BRD8: variants seen among roughly 807,000 people sequenced by gnomAD.
The protein encoded by BRD8 is bromodomain-containing protein 8.
BRD8 carries 67 observed loss-of-function variants against 143.1 expected under a neutral mutation model. The observed-to-expected ratio is 0.47, with a 90% CI of 0.38 to 0.57. The LOEUF (loss-of-function observed/expected upper bound fraction) is 0.57, where lower values mean the gene tolerates loss of function less well. Among genes scored for constraint, BRD8 ranks in the 20% least tolerant of loss-of-function variants. The probability of loss-of-function intolerance (pLI) is 0.00; values close to 1 mark genes in which losing one functional copy is unlikely to be tolerated. For missense variants in BRD8, 1,103 were observed against 1,503.0 expected, an observed-to-expected ratio of 0.73 and a Z score of 4.40; for synonymous variants, 505 against 517.1, an observed-to-expected ratio of 0.98 and a Z score of 0.32.
intron 15 of BRD8, among the ~76,000 whole-genome samples, chr5:138,162,658 T>C (rs544623793): frequency 5.9e-5 from 9 of 151,824 alleles, no homozygotes; most frequent in Non-Finnish European, 8.8e-5. Flanking sequence ...CTGGACCACA[T>C]AGATCCTGTC....
At position 138,166,652 on chromosome 5, in the gene BRD8, A is replaced by G. The variant is rs147125568; in HGVS notation, c.863T>C (p.Val288Ala). The change falls in exon 10 of 27, where the codon GTT becomes GCT. Residue 288 changes from valine to alanine, a missense_variant. Physicochemically the swap from Val to Ala is moderately conservative, Grantham distance 64 (BLOSUM62 0). This residue lies in a region of BRD8 where 334 missense variants were observed against 372.5 expected (regional missense o/e 0.90). Coordinates refer to ENST00000254900, the MANE Select transcript of BRD8 (RefSeq NM_139199.2). ...AAGTTTAACTGGAGGCTCACTGGCA[A>G]CAGTAGTGAAGGAAGCAAGAGGTGT... ...FTTPLASFTT[V>A]ASEPPVKLVP... 6.2e-7 allele frequency: 1 copy of G among 1,613,962 alleles called. No individual in the cohort carries two copies. The highest frequency in any genetic ancestry group is 8.5e-7 in the Non-Finnish European group (1 of 1,179,818).
intron 25 of BRD8, among the ~76,000 whole-genome samples, chr5:138,143,533 G>A (rs1468681071): frequency 2.6e-5 from 4 of 152,174 alleles, no homozygotes; most frequent in Non-Finnish European, 1.5e-5. Flanking sequence ...AGGTGAAGCT[G>A]GCTGGGCTTC....
At chr5:138,144,731 G>A (rs765319952) in intron 25 of BRD8, among the ~76,000 whole-genome samples, 11 of 151,744 alleles carry the variant, frequency 7.2e-5, no homozygotes, top group Non-Finnish European at 1.5e-4. Flanking sequence ...GCAAAGCTCC[G>A]TTTCTACAAA....
chr5:138,142,709 G>C (rs1332939831), intron 25 of BRD8, among the ~76,000 whole-genome samples: 1 of 145,692 alleles, frequency 6.9e-6, no homozygotes, highest in Non-Finnish European at 1.5e-5. Context: ...GTTGCAGTGA[G>C]CCGAGATCTC....
chr5:138,150,197 A>G (rs1003492557), intron 22 of BRD8, among the ~76,000 whole-genome samples: 1 of 148,214 alleles, frequency 6.7e-6, no homozygotes, highest in Non-Finnish European at 1.5e-5. Context: ...GGCTCACTGC[A>G]GCCTTGCACT....
intron 8 of BRD8, chr5:138,168,679 C>CG: frequency 1.3e-6 from 2 of 1,572,236 alleles, no homozygotes; most frequent in Non-Finnish European, 1.7e-6. Context: ...GGCAAAGTCC[C>CG]GGGGGTTACC....
chr5:138,164,906 T>G lies in BRD8; in HGVS notation c.1539A>C (p.Ala513=), dbSNP rs201119089. 1.2e-6 allele frequency: 2 copies of G among 1,614,242 alleles called. No homozygotes were observed. Among genetic ancestry groups the G allele is most frequent in the South Asian group, 2.2e-5 (2 of 91,080 alleles). The change falls in exon 12 of 27, where the codon GCA becomes GCC. Residue 513 remains alanine (A), a synonymous_variant. Coordinates refer to ENST00000254900, the MANE Select transcript of BRD8 (RefSeq NM_139199.2). ...EPSAEIKVEP[A]EPEPVISGAE... ...CTCCTGAAATGACTGGCTCTGGTTC[T>G]GCAGGTTCCACCTTGATCTCTGCAC...
intron 2 of BRD8, chr5:138,172,607 A>G (rs1753963439): frequency 3.2e-6 from 1 of 310,546 alleles, no homozygotes. Flanking sequence ...TGGGAGGCAG[A>G]GGTGGGAGGA....
rs970458283 is a variant in BRD8 at position 138,157,006 on chromosome 5, C to T, written c.2577+2549G>A. The T allele has an allele frequency of 2.1e-6, 3 of 1,420,296 alleles. No homozygotes were observed. The African/African-American group carries it at 4.3e-5, about 21-fold the overall frequency. The allele number at this position is 1,420,296 out of a possible 1,614,324, so 88.0% of individuals were successfully genotyped here. A position where few individuals can be genotyped will look rare whatever the true frequency, so the allele number is the denominator to read the frequency against. On this transcript the variant is annotated intron_variant, in intron 20 of 26. Transcript: ENST00000254900. ...ACGATCTGCTAGCTACACATTAGGA[C>T]ATTAACATAGCCCATGGTTTCTGCC...
Position 138,157,296 on chromosome 5 carries a change from G to A in BRD8, c.2577+2259C>T. 1.9e-6 allele frequency: 3 copies of A among 1,613,546 alleles called. No homozygotes were observed. In the South Asian group the frequency reaches 3.3e-5, roughly 18 times the overall value. On this transcript the variant is annotated intron_variant, in intron 20 of 26. Coordinates refer to ENST00000254900, the MANE Select transcript of BRD8 (RefSeq NM_139199.2). ...GATGACAGGCAGAGAAAGAAAGGGA[G>A]CATGAGTTGGTCAGGAGACAAGAGA...
rs753221470 is a variant in BRD8, at chr5:138,166,046, A to G, written c.1060T>C (p.Ser354Pro). Residue 354 changes from serine (S) to proline (P), a missense_variant, in exon 11 of 27, where the codon TCC (serine) becomes CCC (proline). By Grantham distance (74) the Ser-to-Pro change is moderately conservative. This residue lies in a region of BRD8 where 334 missense variants were observed against 372.5 expected (regional missense o/e 0.90). Transcript: ENST00000254900. ...ATGGATATTTCACTGCTGTCCATGG[A>G]AACAGTCACAGTATGTGGATCCCCC... is the stretch of plus-strand genomic sequence containing the variant. The part of the protein sequence containing the change: ...AVGDPHTVTV[S>P]MDSSEISMII... 1.2e-6 allele frequency: 2 copies of G among 1,614,078 alleles called. No homozygotes were observed. Among genetic ancestry groups the G allele is most frequent in the Non-Finnish European group, 1.7e-6 (2 of 1,179,916 alleles).
At chr5:138,154,252 T>G (rs1185526612) in intron 20 of BRD8, among the ~76,000 whole-genome samples, 1 of 152,134 alleles carries the variant, frequency 6.6e-6, no homozygotes. Context: ...AAATTTAGCC[T>G]TATTTTGTTC....
At chr5:138,165,266 C>T (rs1020639970) in intron 11 of BRD8, 100 bp from the exon 12 acceptor site, 18 of 1,316,106 alleles carry the variant, frequency 1.4e-5, no homozygotes, top group South Asian at 9.4e-5. Flanking sequence ...TGCAGCTTTT[C>T]GCTCCATTTT....
intron 17 of BRD8, 146 bp downstream of exon 17, chr5:138,161,650 T>C: frequency 1.4e-6 from 1 of 701,092 alleles, no homozygotes. Context: ...ATCTAGCCAC[T>C]GGAATTATCA....
intron 20 of BRD8, 85 bp downstream of exon 20, chr5:138,159,470 G>A (rs1191861206): frequency 2.1e-6 from 3 of 1,420,120 alleles, no homozygotes; most frequent in South Asian, 2.3e-5. Flanking sequence ...CAGTCTGCAT[G>A]TTGGATTTCC....
chr5:138,140,092 A>C lies in BRD8; in HGVS notation c.3690T>G (p.Asp1230Glu), dbSNP rs756919597. ...CTCCAGGTTAGAAAACAGGTTTTCCATCATCCACTGGGTTAGCTGGTTCTC... is the reference window on the plus strand; with the variant it reads ...CTCCAGGTTAGAAAACAGGTTTTCCCTCATCCACTGGGTTAGCTGGTTCTC... ...LEGEPANPVD[D>E]GKPVF Residue 1230 changes from aspartate to glutamate, a missense_variant, in exon 27 of 27, where the codon GAT becomes GAG. Around this residue, in one of 7 missense-constraint regions of BRD8, gnomAD observed 369 missense variants for 445.5 expected, o/e 0.83. Transcript: ENST00000254900. 1.9e-6 allele frequency: 3 copies of C among 1,613,828 alleles called. No homozygotes were observed. In the South Asian group the frequency reaches 3.3e-5, roughly 18 times the overall value.
chr5:138,142,712 G>A (rs540056513), intron 25 of BRD8, among the ~76,000 whole-genome samples: 2 of 144,648 alleles, frequency 1.4e-5, no homozygotes, highest in African/African-American at 5.2e-5. Context: ...GCAGTGAGCC[G>A]AGATCTCATC....
At position 138,148,771 on chromosome 5, in the gene BRD8, A is replaced by G. The variant is rs565326791; in HGVS notation, c.3278+869T>C. 5.3e-5 allele frequency among the ~76,000 whole-genome samples: 8 copies of G among 151,980 alleles called. No individual in the cohort carries two copies. In the East Asian group the frequency reaches 1.4e-3, roughly 26 times the overall value. ...AAATCTATTTTAATATTTTTAAAAG[A>G]GGTATAGTTTGGGCCAGGCACAGTG... On this transcript the variant is annotated intron_variant, in intron 23 of 26. Transcript: ENST00000254900.
chr5:138,157,786 C>T (rs1752701716), intron 20 of BRD8: 1 of 153,818 alleles, frequency 6.5e-6, no homozygotes, highest in Admixed American at 6.5e-5. Flanking sequence ...TCCCTGCAGC[C>T]CAGCTCCTTC....
Sources: gnomAD v4.1 joint callset for allele counts (sites outside exome capture counted in the v4.1 genomes callset) on GRCh38, gnomAD v4.1.1 for gene constraint, gnomAD v4.1.1 regional missense constraint, MANE v1.5 for transcripts, NCBI Gene and HGNC (gene_info 2026-07-23, HGNC 2026-07-21) for gene names.